YEATS2: variants seen among roughly 807,000 people sequenced by gnomAD.
YEATS2 encodes the protein YEATS domain-containing protein 2.
A neutral mutation model predicts 163.2 loss-of-function variants in YEATS2; 77 were observed. The ratio of observed to expected loss-of-function variants is 0.47; its 90% CI spans 0.39 to 0.57. The LOEUF (loss-of-function observed/expected upper bound fraction) is 0.57. Among genes scored for constraint, YEATS2 ranks in the 20% least tolerant of loss-of-function variants. The probability of loss-of-function intolerance (pLI) is 0.00; values close to 1 mark genes in which losing one functional copy is unlikely to be tolerated. For synonymous variants in YEATS2, 631 were observed against 645.1 expected (o/e 0.98, Z 0.33); for missense variants, 1,549 against 1,729.8 (o/e 0.90, Z 1.85).
chr3:183,809,732 C>T (rs1726605012), intron 30 of YEATS2, among the ~76,000 whole-genome samples: 1 of 152,076 alleles, frequency 6.6e-6, no homozygotes, highest in East Asian at 1.9e-4. Flanking sequence ...GTTCCTAGGC[C>T]CTGAAAGGAT....
chr3:183,724,059 T>C (rs1172716149), intron 5 of YEATS2, among the ~76,000 whole-genome samples: 4 of 152,224 alleles, frequency 2.6e-5, no homozygotes, highest in Non-Finnish European at 5.9e-5. Flanking sequence ...TTGAATATTA[T>C]AAAAGGTTAA....
chr3:183,760,114 T>A (rs979877820), intron 13 of YEATS2, among the ~76,000 whole-genome samples: 2 of 152,292 alleles, frequency 1.3e-5, no homozygotes, highest in South Asian at 4.1e-4. Context: ...TTCTCTAAGT[T>A]CTGTGCAGTG....
intron 27 of YEATS2, 76 bp from the exon 28 acceptor site, chr3:183,806,790 C>A: frequency 1.3e-6 from 2 of 1,496,496 alleles, no homozygotes; most frequent in Non-Finnish European, 9.2e-7. Context: ...TTCCTCAGAC[C>A]ATGGGTCTCT....
chr3:183,762,326 T>C, intron 15 of YEATS2, 47 bp downstream of exon 15: 2 of 1,503,712 alleles, frequency 1.3e-6, no homozygotes, highest in Non-Finnish European at 1.8e-6. Flanking sequence ...AATGATGTTG[T>C]TTGCCTAAAT....
At chr3:183,738,747 GC>G (rs1469508507) in intron 8 of YEATS2, among the ~76,000 whole-genome samples, 2 of 120,598 alleles carry the variant, frequency 1.7e-5, no homozygotes, top group Non-Finnish European at 3.4e-5. Flanking sequence ...ATTTTTTATG[GC>G]TGCATAGTAT....
intron 9 of YEATS2, among the ~76,000 whole-genome samples, chr3:183,748,103 G>A (rs955337512): frequency 1.3e-5 from 2 of 151,484 alleles, no homozygotes; most frequent in South Asian, 2.1e-4. Context: ...AATAACTACC[G>A]AAGACTGGGT....
rs373140352 is a variant in YEATS2 at position 183,790,919 on chromosome 3, C to T, written c.3036C>T (p.Val1012=). 14 of 1,614,212 alleles carry T rather than the reference C, an allele frequency of 8.7e-6. No individual in the cohort carries two copies. The highest frequency in any genetic ancestry group is 5.3e-5 in the African/African-American group (4 of 75,042). The change falls in exon 21 of 31, where the codon GTC becomes GTT. Residue 1012 remains valine, a synonymous_variant. Coordinates refer to ENST00000305135, the MANE Select transcript of YEATS2 (RefSeq NM_018023.5). The part of the protein sequence containing the change: ...VGTCKAATPT[V]VSATSLVPTP... The stretch of plus-strand genomic sequence containing the variant: ...CCTGCAAGGCTGCCACCCCCACCGT[C>T]GTCAGCGCCACGTCCCTCGTGCCTA...
At chr3:183,752,321 G>T in intron 10 of YEATS2, 68 bp downstream of exon 10, 1 of 1,577,156 alleles carries the variant, frequency 6.3e-7, no homozygotes, top group Non-Finnish European at 8.7e-7. Flanking sequence ...TGCTTTCAGA[G>T]ACCTATAGTA....
intron 15 of YEATS2, among the ~76,000 whole-genome samples, chr3:183,770,746 A>G (rs1722374865): frequency 6.6e-6 from 1 of 152,206 alleles, no homozygotes; most frequent in African/African-American, 2.4e-5. Context: ...GGTTTACGTA[A>G]AAGATATTCC....
At chr3:183,728,030 TTTTA>T (rs1369723849) in intron 6 of YEATS2, among the ~76,000 whole-genome samples, 5 of 152,030 alleles carry the variant, frequency 3.3e-5, no homozygotes, top group Non-Finnish European at 5.9e-5. Flanking sequence ...CAAATTCATG[TTTTA>T]TTTATTTTAT....
chr3:183,800,075 G>A (rs940203315), intron 23 of YEATS2, among the ~76,000 whole-genome samples: 13 of 151,932 alleles, frequency 8.6e-5, no homozygotes, highest in South Asian at 2.1e-4. Flanking sequence ...CTCGTGATCC[G>A]CCCACCTCGG....
intron 1 of YEATS2, among the ~76,000 whole-genome samples, 200 bp downstream of exon 1, chr3:183,698,193 G>A (rs1713681729): frequency 6.6e-6 from 1 of 152,174 alleles, no homozygotes; most frequent in Non-Finnish European, 1.5e-5. Flanking sequence ...CGCAGAAGCG[G>A]GAGCCTGGAA....
At chr3:183,727,088 A>G (rs1347990494) in intron 6 of YEATS2, among the ~76,000 whole-genome samples, 1 of 152,170 alleles carries the variant, frequency 6.6e-6, no homozygotes, top group Non-Finnish European at 1.5e-5. Context: ...GGCATGAGCC[A>G]CCACGCCTGG....
chr3:183,798,173 C>T (rs559447232), intron 22 of YEATS2, 122 bp downstream of exon 22: 3 of 1,414,604 alleles, frequency 2.1e-6, no homozygotes, highest in South Asian at 2.7e-5. Flanking sequence ...ATTCCCAGCG[C>T]CTGTGTACAG....
chr3:183,705,805 C>T (rs564008320), intron 1 of YEATS2, among the ~76,000 whole-genome samples: 157 of 152,124 alleles, frequency 1.0e-3, no homozygotes, highest in African/African-American at 1.3e-3. Flanking sequence ...TTTGGGAGGC[C>T]GGGGCAGGCA....
chr3:183,737,589 C>T (rs1718478633), intron 8 of YEATS2, among the ~76,000 whole-genome samples: 1 of 152,118 alleles, frequency 6.6e-6, no homozygotes, highest in African/African-American at 2.4e-5. Flanking sequence ...GTTTACTTTT[C>T]TATAAAGTGG....
intron 23 of YEATS2, among the ~76,000 whole-genome samples, chr3:183,799,428 G>A (rs959206611): frequency 6.6e-6 from 1 of 152,266 alleles, no homozygotes; most frequent in African/African-American, 2.4e-5. Context: ...TTTAGCTGTG[G>A]GGAGTCAAGG....
At chr3:183,712,398 A>G (rs1715365984) in intron 1 of YEATS2, among the ~76,000 whole-genome samples, 1 of 151,368 alleles carries the variant, frequency 6.6e-6, no homozygotes, top group African/African-American at 2.4e-5. Flanking sequence ...TTTAGTAGAG[A>G]CGAGGTTTCA....
At position 183,772,458 on chromosome 3, in the gene YEATS2, A is replaced by G. The variant is rs1722571736; in HGVS notation, c.2101A>G (p.Ile701Val). Residue 701 changes from isoleucine to valine, a missense_variant, in exon 16 of 31, where the codon ATT becomes GTT. Physicochemically the swap from Ile to Val is conservative, Grantham distance 29. Coordinates refer to ENST00000305135, the MANE Select transcript of YEATS2 (RefSeq NM_018023.5). ...TGTAACCCAAGGAGTTGCCAAAGCA[A>G]TTGTGAGTGGAGGTGGAGGAACCAT... ...QVVTQGVAKA[I>V]VSGGGGTIVA... is the part of the protein sequence containing the mutation. 1 of 1,614,156 alleles carries G rather than the reference A, an allele frequency of 6.2e-7. No homozygotes were observed.
Sources: gnomAD v4.1 joint callset for allele counts (sites outside exome capture counted in the v4.1 genomes callset) on GRCh38, gnomAD v4.1.1 for gene constraint, MANE v1.5 for transcripts, NCBI Gene and HGNC (gene_info 2026-07-23, HGNC 2026-07-21) for gene names.